FRMPD4: variants seen among roughly 807,000 people sequenced by gnomAD.
FRMPD4 encodes the protein FERM and PDZ domain containing 4, also known as FERM and PDZ domain-containing protein 4.
In FRMPD4, 22 loss-of-function variants were observed where a neutral mutation model predicts 94.1. The observed-to-expected ratio is 0.23, with a 90% CI of 0.17 to 0.33. The LOEUF (loss-of-function observed/expected upper bound fraction) is 0.33. FRMPD4 is among the 10% of genes least tolerant of loss of function. FRMPD4 has a pLI of 1.00. For synonymous variants in FRMPD4, 631 were observed against 548.6 expected (o/e 1.15, Z -2.10); for missense variants, 1,111 against 1,339.9 (o/e 0.83, Z 2.67).
intron 3 of FRMPD4, among the ~76,000 whole-genome samples, chrX:11,954,711 C>A (rs1601855110): frequency 9.0e-6 from 1 of 111,141 alleles, no homozygotes; most frequent in South Asian, 3.9e-4. Flanking sequence ...GGGGTCTTGA[C>A]AGAATGTTCT....
chrX:12,340,558 A>G (rs2055596093), intron 1 of FRMPD4, among the ~76,000 whole-genome samples: 1 of 111,788 alleles, frequency 8.9e-6, no homozygotes, highest in African/African-American at 3.2e-5. Context: ...TTAGCTGAGA[A>G]GTACATGTAA....
At chrX:12,329,665 C>T (rs776153149) in intron 1 of FRMPD4, among the ~76,000 whole-genome samples, 161 of 110,234 alleles carry the variant, frequency 1.5e-3, no homozygotes, top group African/African-American at 5.3e-3. Context: ...GCACATAGGG[C>T]CAGGCTGAGT....
intron 2 of FRMPD4, among the ~76,000 whole-genome samples, chrX:12,566,225 T>G (rs1256645974): frequency 2.7e-5 from 3 of 110,868 alleles, no homozygotes; most frequent in Non-Finnish European, 5.7e-5. Flanking sequence ...CTGAAGGAAA[T>G]GGAATGCAGC....
intron 1 of FRMPD4, among the ~76,000 whole-genome samples, chrX:12,251,527 G>C (rs776904556): frequency 8.9e-6 from 1 of 111,759 alleles, no homozygotes; most frequent in African/African-American, 3.2e-5. Context: ...TCACACTTAA[G>C]TCTCCTGTGG....
chrX:11,951,561 G>C (rs568338259), intron 3 of FRMPD4, among the ~76,000 whole-genome samples: 2 of 111,744 alleles, frequency 1.8e-5, no homozygotes, highest in African/African-American at 3.3e-5. Context: ...TGGACACATA[G>C]AGGGGAACAA....
chrX:12,286,947 G>T (rs1380638329), intron 1 of FRMPD4, among the ~76,000 whole-genome samples: 1 of 112,138 alleles, frequency 8.9e-6, no homozygotes, highest in African/African-American at 3.2e-5. Flanking sequence ...TCTCTCTGGA[G>T]GCATCAATCC....
chrX:11,967,715 G>T (rs1174270933), intron 3 of FRMPD4, among the ~76,000 whole-genome samples: 2 of 105,319 alleles, frequency 1.9e-5, no homozygotes, highest in East Asian at 6.3e-4. Context: ...ACACGGAGAA[G>T]AGGATGATTT....
At chrX:12,558,502 C>T (rs1469849389) in intron 2 of FRMPD4, among the ~76,000 whole-genome samples, 1 of 112,694 alleles carries the variant, frequency 8.9e-6, no homozygotes, top group Non-Finnish European at 1.9e-5. Context: ...GCATTTTGTG[C>T]TTTTTAATTC....
chrX:12,139,894 A>G (rs1295790246), intron 1 of FRMPD4, among the ~76,000 whole-genome samples: 3 of 111,470 alleles, frequency 2.7e-5, no homozygotes, highest in African/African-American at 9.8e-5. Flanking sequence ...TATAGCAGCT[A>G]CCACCAGGAC....
At chrX:12,162,675 C>T (rs200215662) in intron 1 of FRMPD4, among the ~76,000 whole-genome samples, 7 of 111,599 alleles carry the variant, frequency 6.3e-5, no homozygotes, top group East Asian at 5.6e-4. Flanking sequence ...TTCAGATTTA[C>T]GCAGCATCTG....
intron 3 of FRMPD4, among the ~76,000 whole-genome samples, chrX:12,089,519 C>A (rs2055137333): frequency 8.9e-6 from 1 of 111,848 alleles, no homozygotes; most frequent in Non-Finnish European, 1.9e-5. Flanking sequence ...GATATCAGCA[C>A]CAGGTTTTAA....
intron 1 of FRMPD4, among the ~76,000 whole-genome samples, chrX:12,360,750 TAG>T (rs1313455501): frequency 6.3e-5 from 7 of 111,682 alleles, no homozygotes; most frequent in Non-Finnish European, 1.3e-4. Context: ...TGTTCCTCCA[TAG>T]AGACGGCAAC....
At chrX:12,487,168 T>G in intron 1 of FRMPD4, among the ~76,000 whole-genome samples, 1 of 111,694 alleles carries the variant, frequency 9.0e-6, no homozygotes. Flanking sequence ...AAATCTGTTT[T>G]CCCTATATGC....
At chrX:12,440,115 T>C (rs190585742) in intron 1 of FRMPD4, among the ~76,000 whole-genome samples, 24 of 111,654 alleles carry the variant, frequency 2.1e-4, no homozygotes, top group African/African-American at 7.5e-4. Context: ...GGTTATCAAA[T>C]TTAGAAAATA....
intron 4 of FRMPD4, among the ~76,000 whole-genome samples, chrX:12,620,278 C>T (rs1209389592): frequency 1.8e-5 from 2 of 112,545 alleles, no homozygotes; most frequent in African/African-American, 6.5e-5. Context: ...CAGCTCCAGC[C>T]CTGCACAGCC....
At chrX:12,318,847 T>C (rs1179778667) in intron 1 of FRMPD4, among the ~76,000 whole-genome samples, 1 of 110,940 alleles carries the variant, frequency 9.0e-6, no homozygotes, top group African/African-American at 3.3e-5. Context: ...GATTCGATCA[T>C]TATAAATGCA....
chrX:12,261,397 A>T (rs1018824891), intron 1 of FRMPD4, among the ~76,000 whole-genome samples: 1 of 112,084 alleles, frequency 8.9e-6, no homozygotes. Context: ...TGCTTCCTGG[A>T]ACCTCTAACT....
At chrX:11,862,416 G>A (rs921708158) in intron 1 of FRMPD4, among the ~76,000 whole-genome samples, 2 of 111,349 alleles carry the variant, frequency 1.8e-5, no homozygotes, top group Admixed American at 1.9e-4. Context: ...CATGGATTAG[G>A]CAGAGATTGG....
chrX:12,506,683 A>G (rs1378923174), intron 2 of FRMPD4, among the ~76,000 whole-genome samples: 3 of 112,961 alleles, frequency 2.7e-5, no homozygotes, highest in Non-Finnish European at 5.6e-5. Flanking sequence ...TCAGATGAAA[A>G]TATAAGAGCA....
Sources: gnomAD v4.1 joint callset for allele counts (sites outside exome capture counted in the v4.1 genomes callset) on GRCh38, gnomAD v4.1.1 for gene constraint, MANE v1.5 for transcripts, NCBI Gene and HGNC (gene_info 2026-07-23, HGNC 2026-07-21) for gene names.